Variants in FAM227B observed in about 807,000 individuals in gnomAD.
FAM227B encodes family with sequence similarity 227 member B.
Under a neutral mutation model 73.8 loss-of-function variants are expected in FAM227B, and 88 were observed. The observed-to-expected ratio is 1.19, with a 90% CI of 1.00 to 1.42. The LOEUF is 1.42. Ranked by LOEUF, FAM227B falls within the 40% of genes most tolerant of loss-of-function variation. The probability of loss-of-function intolerance (pLI) is 0.00; values close to 1 mark genes in which losing one functional copy is unlikely to be tolerated. For missense variants in FAM227B, 632 were observed against 590.9 expected (o/e 1.07, Z -0.72); for synonymous variants, 210 against 190.5 (o/e 1.10, Z -0.84).
chr15:49,474,841 T>A (rs1274024026), intron 11 of FAM227B, among the ~76,000 whole-genome samples: 1 of 152,166 alleles, frequency 6.6e-6, no homozygotes, highest in Non-Finnish European at 1.5e-5. Context: ...ATCTCACTAA[T>A]GCCTGACGAT....
intron 15 of FAM227B, chr15:49,329,727 T>C (rs2038235525): frequency 1.0e-6 from 1 of 973,130 alleles, no homozygotes. Context: ...TTTATAATCC[T>C]TTATTTTTTA....
chr15:49,565,898 A>T (rs2074617165), intron 9 of FAM227B, among the ~76,000 whole-genome samples: 1 of 152,198 alleles, frequency 6.6e-6, no homozygotes, highest in African/African-American at 2.4e-5. Flanking sequence ...GATTGGAGTG[A>T]TACAACCATA....
intron 13 of FAM227B, among the ~76,000 whole-genome samples, chr15:49,361,268 T>G (rs2044190222): frequency 6.6e-6 from 1 of 152,148 alleles, no homozygotes; most frequent in Admixed American, 6.6e-5. Flanking sequence ...TATTTTAGGT[T>G]CAGGGGTACA....
chr15:49,400,709 C>T lies in FAM227B; in HGVS notation c.1013-29310G>A, dbSNP rs1383753936. 4.0e-5 allele frequency among the ~76,000 whole-genome samples: 6 copies of T among 150,062 alleles called. No homozygotes were observed. In the East Asian group the frequency reaches 5.8e-4, roughly 15 times the overall value. Reference sequence around the variant, plus strand: ...AGAAATAATGCCACATATCTACAACCATCTGATCTTTGACAAACCTGAGAA... The same window carrying T: ...AGAAATAATGCCACATATCTACAACTATCTGATCTTTGACAAACCTGAGAA... On this transcript the variant is annotated intron_variant, in intron 11 of 15. Transcript: ENST00000299338.
intron 11 of FAM227B, among the ~76,000 whole-genome samples, chr15:49,472,422 G>A (rs557718156): frequency 7.6e-4 from 116 of 152,274 alleles, no homozygotes; most frequent in South Asian, 1.7e-3. Context: ...ACCTTTTATG[G>A]AAGACTTTTG....
intron 9 of FAM227B, among the ~76,000 whole-genome samples, chr15:49,566,790 G>A (rs1463191998): frequency 6.6e-6 from 1 of 152,170 alleles, no homozygotes; most frequent in Non-Finnish European, 1.5e-5. Flanking sequence ...GTTCTCAAAT[G>A]AGGCTTTGCA....
At chr15:49,361,371 G>A (rs2044208365) in intron 13 of FAM227B, among the ~76,000 whole-genome samples, 1 of 151,436 alleles carries the variant, frequency 6.6e-6, no homozygotes, top group African/African-American at 2.4e-5. Flanking sequence ...TACCCAGTAG[G>A]CAGTTTTTTG....
intron 10 of FAM227B, among the ~76,000 whole-genome samples, chr15:49,521,671 G>T (rs1053412702): frequency 6.6e-6 from 1 of 152,186 alleles, no homozygotes; most frequent in African/African-American, 2.4e-5. Context: ...GAGCTGGGGA[G>T]AGAGTTTCTT....
At chr15:49,432,699 T>C (rs557462485) in intron 11 of FAM227B, among the ~76,000 whole-genome samples, 2 of 151,746 alleles carry the variant, frequency 1.3e-5, no homozygotes, top group East Asian at 3.9e-4. Context: ...CAACTAAGCA[T>C]GTATGCCAAA....
chr15:49,595,285 A>G (rs939562179), intron 3 of FAM227B, among the ~76,000 whole-genome samples: 1 of 152,132 alleles, frequency 6.6e-6, no homozygotes, highest in Non-Finnish European at 1.5e-5. Flanking sequence ...TGATTTGTAT[A>G]CACTGATATT....
At chr15:49,576,611 C>T in intron 7 of FAM227B, 130 bp downstream of exon 7, 1 of 619,612 alleles carries the variant, frequency 1.6e-6, no homozygotes, top group South Asian at 2.0e-5. Flanking sequence ...CTGGTCTTTC[C>T]TGCCAAATTT....
chr15:49,356,139 C>T (rs1035068905), intron 13 of FAM227B, among the ~76,000 whole-genome samples: 9 of 151,932 alleles, frequency 5.9e-5, no homozygotes, highest in African/African-American at 2.2e-4. Context: ...TAAAATCATG[C>T]CAAAATGTAA....
rs1445393880 is a variant in FAM227B, at chr15:49,374,106, T to TA, written c.1013-2708dup. On this transcript the variant is annotated intron_variant, in intron 11 of 15. Transcript: ENST00000299338. ...TTTTCCATTAACCAACCACACCAGA[T>TA]AAAAGCTCTACTTTATAAAGATAGT... Among the ~76,000 whole-genome samples the TA allele has an allele frequency of 4.6e-5, 7 of 152,296 alleles. No homozygotes were observed. In the South Asian group the frequency reaches 1.0e-3, roughly 23 times the overall value.
intron 13 of FAM227B, among the ~76,000 whole-genome samples, chr15:49,362,132 T>C (rs184297904): frequency 1.2e-4 from 19 of 152,098 alleles, no homozygotes; most frequent in Middle Eastern, 3.4e-3. Context: ...CTTATTAACA[T>C]AGTTTGGCTC....
intron 13 of FAM227B, among the ~76,000 whole-genome samples, chr15:49,355,252 A>C (rs1480221286): frequency 1.3e-5 from 2 of 152,264 alleles, no homozygotes; most frequent in East Asian, 3.8e-4. Flanking sequence ...ATGACTTTGA[A>C]GAGCTCAGAG....
intron 11 of FAM227B, among the ~76,000 whole-genome samples, chr15:49,385,744 A>G (rs2151545033): frequency 6.6e-6 from 1 of 151,958 alleles, no homozygotes; most frequent in African/African-American, 2.4e-5. Context: ...AGAAATATCT[A>G]CTTCAAGAGA....
In FAM227B at chr15:49,396,766, A is replaced by G. The variant is rs1417725234; in HGVS notation, c.1013-25367T>C. 2.0e-5 allele frequency among the ~76,000 whole-genome samples: 3 copies of G among 146,732 alleles called. No individual in the cohort carries two copies. The Admixed American group carries it at 2.1e-4, about 10-fold the overall frequency. On this transcript the variant is annotated intron_variant, in intron 11 of 15. Transcript: ENST00000299338. Reference sequence around the variant, plus strand: ...ACACCTCACACGGCAGGGTACTCCAACAGACCTGCGGCTGAGGGTCCTGTC... The same window carrying G: ...ACACCTCACACGGCAGGGTACTCCAGCAGACCTGCGGCTGAGGGTCCTGTC...
At chr15:49,474,201 C>A (rs536080585) in intron 11 of FAM227B, among the ~76,000 whole-genome samples, 8 of 152,088 alleles carry the variant, frequency 5.3e-5, no homozygotes, top group Non-Finnish European at 7.4e-5. Flanking sequence ...CTATCTATAT[C>A]AGCCCAGTTC....
chr15:49,330,184 G>T (rs1348591829), intron 15 of FAM227B: 1 of 152,252 alleles, frequency 6.6e-6, no homozygotes, highest in South Asian at 2.1e-4. Context: ...AAGCCTATGG[G>T]TATAGGCAAA....
Sources: gnomAD v4.1 joint callset for allele counts (sites outside exome capture counted in the v4.1 genomes callset) on GRCh38, gnomAD v4.1.1 for gene constraint, MANE v1.5 for transcripts, NCBI Gene and HGNC (gene_info 2026-07-23, HGNC 2026-07-21) for gene names.